The following BORCS6 variants were observed in gnomAD, a reference collection of about 807,000 sequenced individuals.
The protein encoded by BORCS6 is BLOC-1 related complex subunit 6.
BORCS6 carries 12 observed loss-of-function variants against 17.0 expected under a neutral mutation model. The observed-to-expected ratio is 0.71, with a 90% CI of 0.45 to 1.15. BORCS6 has a LOEUF of 1.15. Ranked by LOEUF, BORCS6 falls within the 50% of genes most tolerant of loss-of-function variation. The probability of loss-of-function intolerance (pLI) is 0.00; values close to 1 mark genes in which losing one functional copy is unlikely to be tolerated. For missense variants in BORCS6, 513 were observed against 515.0 expected, an observed-to-expected ratio of 1.00 and a Z score of 0.04; for synonymous variants, 262 against 241.7, an observed-to-expected ratio of 1.08 and a Z score of -0.78.
Position 8,188,849 on chromosome 17 carries a change from G to A in BORCS6, c.*218C>T. 1 of 650,330 alleles carries A rather than the reference G, an allele frequency of 1.5e-6. No individual in the cohort carries two copies. Among genetic ancestry groups the A allele is most frequent in the Non-Finnish European group, 2.6e-6 (1 of 384,614 alleles). The allele number at this position is 650,330 out of a possible 1,614,324, so 40.3% of individuals were successfully genotyped here. A position where few individuals can be genotyped will look rare whatever the true frequency, so the allele number is the denominator to read the frequency against. On this transcript the variant is annotated 3_prime_UTR_variant, in exon 1 of 1. Transcript: ENST00000389017. Reference sequence around the variant, plus strand: ...ACAGATGGCCAACTGAATACAAGCAGAGCAACATCCCTTCCCACCAGGAGA... The same window carrying A: ...ACAGATGGCCAACTGAATACAAGCAAAGCAACATCCCTTCCCACCAGGAGA...
At position 8,189,817 on chromosome 17, in the gene BORCS6, G is replaced by A. The variant is rs760558175; in HGVS notation, c.324C>T (p.Ser108=). 3 of 1,580,254 alleles carry A rather than the reference G, an allele frequency of 1.9e-6. No homozygotes were observed. The highest frequency in any genetic ancestry group is 1.1e-5 in the South Asian group (1 of 88,748). The change falls in exon 1 of 1, where the codon TCC becomes TCT. Residue 108 remains serine, a synonymous_variant. Coordinates refer to ENST00000389017, the MANE Select transcript of BORCS6 (RefSeq NM_017622.3). This position sits in a 1 kb window ranked among gnomAD's most constrained non-coding sequence, Gnocchi z 7.8. ...PGAEHEPSLS[S]RHKNPAPPEG... is the part of the protein sequence containing the mutation. Reference sequence around the variant, plus strand: ...CGGGCGGCGCCGGGTTCTTGTGCCGGGAGGACAGGGAAGGTTCGTGCTCTG... The same window carrying A: ...CGGGCGGCGCCGGGTTCTTGTGCCGAGAGGACAGGGAAGGTTCGTGCTCTG...
In BORCS6 at chr17:8,188,584, A is replaced by C. The variant is rs1984553035; in HGVS notation, c.*483T>G. On this transcript the variant is annotated 3_prime_UTR_variant, in exon 1 of 1. Coordinates refer to ENST00000389017, the MANE Select transcript of BORCS6 (RefSeq NM_017622.3). ...CAGAAGCAGAAGGCTCTCCATCAGC[A>C]GGGGTGCATCTTTGCCTGCGGGGTG... 1 of 190,064 alleles carries C rather than the reference A, an allele frequency of 5.3e-6. No individual in the cohort carries two copies. The highest frequency in any genetic ancestry group is 8.5e-5 in the South Asian group (1 of 11,714). The allele number at this position is 190,064 out of a possible 1,614,324, so 11.8% of individuals were successfully genotyped here.
Position 8,190,154 on chromosome 17 carries a change from G to A in BORCS6, c.-14C>T. On this transcript the variant is annotated 5_prime_UTR_variant, in exon 1 of 1. Transcript: ENST00000389017. ...AGACGACTCCATACTGCAGGTGGGG[G>A]CCGCAACGGAGGAATTGGTTCGCCC... 1.3e-6 allele frequency: 2 copies of A among 1,537,002 alleles called. No homozygotes were observed. The highest frequency in any genetic ancestry group is 2.4e-5 in the South Asian group (2 of 82,734).
At position 8,189,464 on chromosome 17, in the gene BORCS6, C is replaced by A. The variant is rs750290259; in HGVS notation, c.677G>T (p.Arg226Leu). The change falls in exon 1 of 1, where the codon CGT (arginine) becomes CTT (leucine). Residue 226 changes from arginine to leucine, a missense_variant. Transcript: ENST00000389017. This position sits in a 1 kb window ranked among gnomAD's most constrained non-coding sequence, Gnocchi z 7.8. ...CGGGGGTGGAGGCGCGCCGCTCAGA[C>A]GGATCTTGAGTTGCAGGTTGTTGGC... is the stretch of plus-strand genomic sequence containing the variant. ...FVANNLQLKI[R>L]LSGAPPPPPS... is the part of the protein sequence containing the mutation. 1.3e-6 allele frequency: 2 copies of A among 1,570,788 alleles called. No homozygotes were observed. Among genetic ancestry groups the A allele is most frequent in the Non-Finnish European group, 1.7e-6 (2 of 1,158,604 alleles).
chr17:8,188,882 G>T lies in BORCS6; in HGVS notation c.*185C>A. The T allele has an allele frequency of 1.2e-6, 1 of 828,706 alleles. No homozygotes were observed. The highest frequency in any genetic ancestry group is 1.9e-6 in the Non-Finnish European group (1 of 539,738). 51.3% of individuals were successfully genotyped at this position (828,706 alleles called of 1,614,324 possible). ...TCCCTTCCCACCAGGAGAGCCGTTA[G>T]AACTTCCCCACATACACCAGCCTAA... On this transcript the variant is annotated 3_prime_UTR_variant, in exon 1 of 1. Transcript: ENST00000389017.
chr17:8,189,092 T>C lies in BORCS6; in HGVS notation c.1049A>G (p.Glu350Gly). ...RQVRDIRRTL[E>G]VLEALCK ...TCACTTGCACAGGGCCTCCAACACC[T>C]CCAGAGTACGTCGGATATCCCGGAC... is the stretch of plus-strand genomic sequence containing the variant. Residue 350 changes from glutamate to glycine, a missense_variant, in exon 1 of 1, where the codon GAG becomes GGG. Transcript: ENST00000389017. This position sits in a 1 kb window ranked among gnomAD's most constrained non-coding sequence, Gnocchi z 7.8. The C allele has an allele frequency of 2.5e-6, 4 of 1,613,902 alleles. No homozygotes were observed. Among genetic ancestry groups the C allele is most frequent in the Non-Finnish European group, 3.4e-6 (4 of 1,179,980 alleles).
chr17:8,190,109 T>A lies in BORCS6; in HGVS notation c.32A>T (p.Glu11Val), dbSNP rs895058967. MESSRGRPGP[E>V]TDLLAVAEHQ... The stretch of plus-strand genomic sequence containing the variant: ...TTCCGCTACAGCCAGAAGGTCCGTC[T>A]CGGGCCCGGGCCGCCCCCGAGACGA... The change falls in exon 1 of 1, where the codon GAG becomes GTG. Residue 11 changes from glutamate (E) to valine (V), a missense_variant. Glu to Val is a moderately radical substitution (Grantham distance 121). Transcript: ENST00000389017. 5 of 1,549,828 alleles carry A rather than the reference T, an allele frequency of 3.2e-6. No individual in the cohort carries two copies. In the East Asian group the frequency reaches 9.8e-5, roughly 30 times the overall value.
Position 8,189,643 on chromosome 17 carries a change from G to C in BORCS6, c.498C>G (p.Ser166Arg), listed in dbSNP as rs1476529673. ...CCTCGCTCAGCCCGTCCAGGCTGCG[G>C]CTGTCCTGAAGACGGCTGGAGAACG... ...GRSFSSRLQD[S>R]RSLDGLSEAC... is the part of the protein sequence containing the mutation. Residue 166 changes from serine (S) to arginine (R), a missense_variant, in exon 1 of 1, where the codon AGC becomes AGG. Physicochemically the swap from Ser to Arg is moderately radical, Grantham distance 110 (BLOSUM62 -1). Transcript: ENST00000389017. The surrounding 1 kb of genome is among the most constrained non-coding windows in gnomAD (Gnocchi z 7.8). 1.3e-6 allele frequency: 2 copies of C among 1,599,042 alleles called. No individual in the cohort carries two copies. Among genetic ancestry groups the C allele is most frequent in the Non-Finnish European group, 1.7e-6 (2 of 1,179,244 alleles).
At position 8,188,714 on chromosome 17, in the gene BORCS6, TC is replaced by T. The variant is rs574914409; in HGVS notation, c.*352del. ...GGCTGGGGCTTCCTCTGTCCCTTTC[TC>T]CTGATTACATGTGGGAGTCACGTCC... is the stretch of plus-strand genomic sequence containing the variant. On this transcript the variant is annotated 3_prime_UTR_variant, in exon 1 of 1. Transcript: ENST00000389017. 19 of 333,398 alleles carry T rather than the reference TC, an allele frequency of 5.7e-5. No homozygotes were observed. In the East Asian group the frequency reaches 1.6e-3, roughly 28 times the overall value. The allele number at this position is 333,398 out of a possible 1,614,324, so 20.7% of individuals were successfully genotyped here. A position where few individuals can be genotyped will look rare whatever the true frequency, so the allele number is the denominator to read the frequency against.
Position 8,188,482 on chromosome 17 carries a change from C to G in BORCS6, c.*585G>C, listed in dbSNP as rs1210827356. The G allele has an allele frequency of 1.2e-5, 2 of 162,412 alleles. No individual in the cohort carries two copies. Among genetic ancestry groups the G allele is most frequent in the African/African-American group, 4.8e-5 (2 of 41,520 alleles). 10.1% of individuals were successfully genotyped at this position (162,412 alleles called of 1,614,324 possible). A position where few individuals can be genotyped will look rare whatever the true frequency, so the allele number is the denominator to read the frequency against. On this transcript the variant is annotated 3_prime_UTR_variant, in exon 1 of 1. Coordinates refer to ENST00000389017, the MANE Select transcript of BORCS6 (RefSeq NM_017622.3). ...CAGTGAGACGCCTCCCACCTCACCC[C>G]CTCCGCCGTGCAACCCATTCCTCCT...
rs1380143382 is a variant in BORCS6 at position 8,189,989 on chromosome 17, A to T, written c.152T>A (p.Val51Asp). The change falls in exon 1 of 1, where the codon GTT becomes GAT. Residue 51 changes from valine to aspartate, a missense_variant. Physicochemically the swap from Val to Asp is radical, Grantham distance 152 (BLOSUM62 -3). Transcript: ENST00000389017. The surrounding 1 kb of genome is among the most constrained non-coding windows in gnomAD (Gnocchi z 7.8). Reference sequence around the variant, plus strand: ...CCTGGGGTGGCGGTTCGCGCCCCCAACGTTCTCGGTCTCTTCCTCCCCGGA... The same window carrying T: ...CCTGGGGTGGCGGTTCGCGCCCCCATCGTTCTCGGTCTCTTCCTCCCCGGA... The part of the protein sequence containing the change: ...RVSGEEETEN[V>D]GGANRHPRTS... 2.6e-6 allele frequency: 4 copies of T among 1,549,628 alleles called. No homozygotes were observed. Among genetic ancestry groups the T allele is most frequent in the Non-Finnish European group, 3.5e-6 (4 of 1,146,802 alleles).
chr17:8,190,147 G>A lies in BORCS6; in HGVS notation c.-7C>T. ...GCCCCCGAGACGACTCCATACTGCA[G>A]GTGGGGGCCGCAACGGAGGAATTGG... On this transcript the variant is annotated 5_prime_UTR_variant, in exon 1 of 1. Coordinates refer to ENST00000389017, the MANE Select transcript of BORCS6 (RefSeq NM_017622.3). The A allele has an allele frequency of 6.5e-7, 1 of 1,539,410 alleles. No homozygotes were observed. The highest frequency in any genetic ancestry group is 8.7e-7 in the Non-Finnish European group (1 of 1,143,546).
At position 8,189,177 on chromosome 17, in the gene BORCS6, G is replaced by T. The variant is rs191079702; in HGVS notation, c.964C>A (p.Leu322Met). Residue 322 changes from leucine (L) to methionine (M), a missense_variant, in exon 1 of 1, where the codon CTG becomes ATG. Leu to Met is a conservative substitution (Grantham distance 15). Coordinates refer to ENST00000389017, the MANE Select transcript of BORCS6 (RefSeq NM_017622.3). The surrounding 1 kb of genome is among the most constrained non-coding windows in gnomAD (Gnocchi z 7.8). The part of the protein sequence containing the change: ...DMSIKGMYTL[L>M]ARCEELERAL... Reference sequence around the variant, plus strand: ...CGCTCCAGCTCCTCGCAGCGCGCCAGCAGGGTGTACATGCCCTTGATGCTC... The same window carrying T: ...CGCTCCAGCTCCTCGCAGCGCGCCATCAGGGTGTACATGCCCTTGATGCTC... 84 of 1,614,120 alleles carry T rather than the reference G, an allele frequency of 5.2e-5. No individual in the cohort carries two copies. In the East Asian group the frequency reaches 1.8e-3, roughly 34 times the overall value.
In BORCS6 at chr17:8,189,540, G is replaced by A. The variant is rs1984585734; in HGVS notation, c.601C>T (p.Leu201=). Residue 201 remains leucine (L), a synonymous_variant, in exon 1 of 1, where the codon CTG becomes TTG. Coordinates refer to ENST00000389017, the MANE Select transcript of BORCS6 (RefSeq NM_017622.3). This position sits in a 1 kb window ranked among gnomAD's most constrained non-coding sequence, Gnocchi z 7.8. ...GGRRATISSP[L]ELEGTVSRHG... Reference sequence around the variant, plus strand: ...CGGCTCACTGTGCCTTCGAGCTCCAGGGGACTGGAGATGGTGGCGCGGCGT... The same window carrying A: ...CGGCTCACTGTGCCTTCGAGCTCCAAGGGACTGGAGATGGTGGCGCGGCGT... 5.1e-6 allele frequency: 8 copies of A among 1,579,614 alleles called. No individual in the cohort carries two copies. In the East Asian group the frequency reaches 1.8e-4, roughly 36 times the overall value.
In BORCS6 at chr17:8,188,791, C is replaced by G; in HGVS notation, c.*276G>C. 1.9e-6 allele frequency: 1 copy of G among 515,092 alleles called. No homozygotes were observed. Among genetic ancestry groups the G allele is most frequent in the Non-Finnish European group, 3.5e-6 (1 of 286,594 alleles). The allele number at this position is 515,092 out of a possible 1,614,324, so 31.9% of individuals were successfully genotyped here. On this transcript the variant is annotated 3_prime_UTR_variant, in exon 1 of 1. Coordinates refer to ENST00000389017, the MANE Select transcript of BORCS6 (RefSeq NM_017622.3). ...CGTGTTCCCAGGGCTGGTGCTCTAG[C>G]TAGGGAGGAGAGTTGGGAAGAACAG... is the stretch of plus-strand genomic sequence containing the variant.
chr17:8,188,897 C>A lies in BORCS6; in HGVS notation c.*170G>T. The A allele has an allele frequency of 1.0e-6, 1 of 965,600 alleles. No individual in the cohort carries two copies. Among genetic ancestry groups the A allele is most frequent in the Non-Finnish European group, 1.5e-6 (1 of 659,164 alleles). The allele number at this position is 965,600 out of a possible 1,614,324, so 59.8% of individuals were successfully genotyped here. A position where few individuals can be genotyped will look rare whatever the true frequency, so the allele number is the denominator to read the frequency against. On this transcript the variant is annotated 3_prime_UTR_variant, in exon 1 of 1. Transcript: ENST00000389017. ...AGAGCCGTTAGAACTTCCCCACATA[C>A]ACCAGCCTAAGGCCCAGCGAGTGGG...
In BORCS6 at chr17:8,188,944, T is replaced by C. The variant is rs532953248; in HGVS notation, c.*123A>G. The stretch of plus-strand genomic sequence containing the variant: ...TGGGCACGGGCCAGCTGAACGCATC[T>C]GGAAGAGCCTCCAACACACAGGCCT... On this transcript the variant is annotated 3_prime_UTR_variant, in exon 1 of 1. Transcript: ENST00000389017. The C allele has an allele frequency of 1.9e-5, 28 of 1,454,808 alleles. No homozygotes were observed. The African/African-American group carries it at 3.0e-4, about 16-fold the overall frequency. The allele number at this position is 1,454,808 out of a possible 1,614,324, so 90.1% of individuals were successfully genotyped here.
chr17:8,189,418 G>C lies in BORCS6; in HGVS notation c.723C>G (p.Pro241=). ...PPPPPSAPAR[P]CPAPAPTPTP... is the part of the protein sequence containing the mutation. ...TGGGTGTGGGTGCAGGCGCTGGGCAGGGCCGCGCAGGGGCAGAAGGCGGGG... is the reference window on the plus strand; with the variant it reads ...TGGGTGTGGGTGCAGGCGCTGGGCACGGCCGCGCAGGGGCAGAAGGCGGGG... Residue 241 remains proline, a synonymous_variant, in exon 1 of 1, where the codon CCC becomes CCG. Coordinates refer to ENST00000389017, the MANE Select transcript of BORCS6 (RefSeq NM_017622.3). The surrounding 1 kb of genome is among the most constrained non-coding windows in gnomAD (Gnocchi z 7.8). The C allele has an allele frequency of 6.4e-7, 1 of 1,572,024 alleles. No individual in the cohort carries two copies. The highest frequency in any genetic ancestry group is 8.6e-7 in the Non-Finnish European group (1 of 1,159,084).
Position 8,189,385 on chromosome 17 carries a change from G to A in BORCS6, c.756C>T (p.Ala252=), listed in dbSNP as rs773270432. The A allele has an allele frequency of 2.4e-5, 39 of 1,597,434 alleles. No individual in the cohort carries two copies. The highest frequency in any genetic ancestry group is 2.6e-6 in the Non-Finnish European group (3 of 1,172,146). The change falls in exon 1 of 1, where the codon GCC becomes GCT. Residue 252 remains alanine (A), a synonymous_variant. Transcript: ENST00000389017. This position sits in a 1 kb window ranked among gnomAD's most constrained non-coding sequence, Gnocchi z 7.8. ...CPAPAPTPTP[A]IPPIDPEVLR... ...GCACCTCGGGGTCGATTGGGGGAAT[G>A]GCCGGTGTGGGTGTGGGTGCAGGCG...
Sources: allele counts gnomAD v4.1 joint callset, GRCh38; gene constraint gnomAD v4.1.1; non-coding constraint Gnocchi (gnomAD v3.1); transcripts MANE v1.5; gene names NCBI Gene and HGNC (gene_info 2026-07-23, HGNC 2026-07-21).